The following EDARADD variants were observed in gnomAD, a reference collection of about 807,000 sequenced individuals.
EDARADD encodes ectodysplasin-A receptor-associated adapter protein.
EDARADD carries 20 observed loss-of-function variants against 25.6 expected under a neutral mutation model. The ratio of observed to expected loss-of-function variants is 0.78; its 90% CI spans 0.55 to 1.14. The LOEUF (loss-of-function observed/expected upper bound fraction) is 1.14. Among genes scored for constraint, EDARADD ranks in the 50% most tolerant of loss-of-function variants. The pLI is 0.00. For missense variants in EDARADD, 225 were observed against 270.1 expected (o/e 0.83, Z 1.17); for synonymous variants, 86 against 94.4 (o/e 0.91, Z 0.52).
At chr1:236,465,350 A>G (rs547370170) in intron 4 of EDARADD, among the ~76,000 whole-genome samples, 43 of 152,132 alleles carry the variant, frequency 2.8e-4, no homozygotes, top group African/African-American at 9.9e-4. Flanking sequence ...GCCCCAGTGT[A>G]TTCACCTGTC....
At chr1:236,469,818 A>G (rs151061522) in intron 5 of EDARADD, among the ~76,000 whole-genome samples, 480 of 151,100 alleles carry the variant, frequency 3.2e-3, no homozygotes, top group African/African-American at 0.011. Flanking sequence ...CTTGAGACGG[A>G]GTTTCGCACT....
At chr1:236,393,391 C>T (rs867673643), upstream of EDARADD, among the ~76,000 whole-genome samples, 27 of 87,202 alleles carry the variant, frequency 3.1e-4, no homozygotes, top group South Asian at 1.4e-3. Context: ...TTCTTTCTTT[C>T]TTTTTTTTTT....
At chr1:236,425,092 T>TG (rs1367081777) in intron 3 of EDARADD, among the ~76,000 whole-genome samples, 1 of 152,118 alleles carries the variant, frequency 6.6e-6, no homozygotes, top group Non-Finnish European at 1.5e-5. Context: ...TCCCTGGGGA[T>TG]GGGGTCCTCA....
At chr1:236,481,411 G>A (rs974615171) in intron 5 of EDARADD, among the ~76,000 whole-genome samples, 2 of 152,104 alleles carry the variant, frequency 1.3e-5, no homozygotes, top group Admixed American at 1.3e-4. Flanking sequence ...TGGAAAGAAA[G>A]GGAAACTGGC....
intron 5 of EDARADD, among the ~76,000 whole-genome samples, chr1:236,476,436 A>G (rs1659507629): frequency 1.3e-5 from 2 of 152,174 alleles, no homozygotes; most frequent in Non-Finnish European, 2.9e-5. Context: ...CTGTAATCCC[A>G]GCACTTCGGG....
At chr1:236,466,440 A>ACACACACACAC (rs1553270444) in intron 4 of EDARADD, among the ~76,000 whole-genome samples, 8,016 of 124,398 alleles carry the variant, frequency 0.064, 311 homozygotes, top group Non-Finnish European at 0.085. Flanking sequence ...CTCTCTGATA[A>ACACACACACAC]ACACACACAC....
At chr1:236,421,827 A>G (rs985955863) in intron 3 of EDARADD, among the ~76,000 whole-genome samples, 2 of 152,036 alleles carry the variant, frequency 1.3e-5, no homozygotes, top group Admixed American at 1.3e-4. Context: ...CAGCACATAA[A>G]TTGAGTCTCA....
intron 3 of EDARADD, among the ~76,000 whole-genome samples, chr1:236,384,928 AT>A (rs1667334984): frequency 1.3e-5 from 2 of 152,070 alleles, no homozygotes. Context: ...ATGCTTTAAA[AT>A]TTGGATACTC....
chr1:236,403,240 G>A (rs1250293286), intron 1 of EDARADD, among the ~76,000 whole-genome samples: 1 of 152,044 alleles, frequency 6.6e-6, no homozygotes, highest in African/African-American at 2.4e-5. Flanking sequence ...ACGGGCGTGA[G>A]CCACCTGTTC....
intron 3 of EDARADD, among the ~76,000 whole-genome samples, chr1:236,380,158 A>C (rs1667281545): frequency 6.6e-6 from 1 of 151,640 alleles, no homozygotes; most frequent in Admixed American, 6.6e-5. Flanking sequence ...ACCTGATTGG[A>C]TAAAACTTAA....
At chr1:236,349,747 A>T (rs1249852511) in intron 2 of EDARADD, among the ~76,000 whole-genome samples, 4 of 151,664 alleles carry the variant, frequency 2.6e-5, no homozygotes, top group South Asian at 4.2e-4. Context: ...CGGACCTCAA[A>T]GGGTGTCTGG....
At chr1:236,437,586 G>A (rs1335946290) in intron 4 of EDARADD, among the ~76,000 whole-genome samples, 2 of 152,086 alleles carry the variant, frequency 1.3e-5, no homozygotes, top group Non-Finnish European at 2.9e-5. Context: ...GCAGGGAGAA[G>A]GAAGAGGGGA....
At chr1:236,456,954 C>A (rs1472280256) in intron 4 of EDARADD, among the ~76,000 whole-genome samples, 3 of 152,096 alleles carry the variant, frequency 2.0e-5, no homozygotes, top group Non-Finnish European at 4.4e-5. Context: ...CCAGGACCAC[C>A]TGCATTCTAT....
At chr1:236,350,677 C>T (rs1051431511) in intron 2 of EDARADD, 2 of 135,562 alleles carry the variant, frequency 1.5e-5, no homozygotes, top group Non-Finnish European at 3.2e-5. Flanking sequence ...GCAGATTGGT[C>T]CTTTCAAAGT....
chr1:236,454,458 T>C (rs67500985), intron 4 of EDARADD, among the ~76,000 whole-genome samples: 60,885 of 151,948 alleles, frequency 0.4, 12,273 homozygotes, highest in South Asian at 0.43. Context: ...CCCCCATGCA[T>C]ACTCTGTCAT....
chr1:236,432,894 T>G (rs1658142769), intron 4 of EDARADD, among the ~76,000 whole-genome samples: 1 of 149,216 alleles, frequency 6.7e-6, no homozygotes, highest in South Asian at 2.1e-4. Flanking sequence ...ACTGTGCTGC[T>G]GCACTCCAGC....
chr1:236,478,378 T>TGTGTGTGC (rs1168693435), intron 5 of EDARADD, among the ~76,000 whole-genome samples: 1 of 149,524 alleles, frequency 6.7e-6, no homozygotes. Flanking sequence ...TGTGTGTGTG[T>TGTGTGTGC]GTGTGTGTAT....
At chr1:236,447,339 C>A (rs903527422) in intron 4 of EDARADD, among the ~76,000 whole-genome samples, 1 of 151,744 alleles carries the variant, frequency 6.6e-6, no homozygotes, top group Non-Finnish European at 1.5e-5. Context: ...CTCACTGCAA[C>A]CTCCTCCTCC....
chr1:236,377,761 G>A (rs1477864170), intron 3 of EDARADD, among the ~76,000 whole-genome samples: 3 of 151,908 alleles, frequency 2.0e-5, no homozygotes, highest in Non-Finnish European at 4.4e-5. Context: ...GGGAGGCTGA[G>A]GCAGGAGAAT....
Sources: allele counts gnomAD v4.1 joint callset (sites outside exome capture counted in the v4.1 genomes callset), GRCh38; gene constraint gnomAD v4.1.1; transcripts MANE v1.5; gene names NCBI Gene and HGNC (gene_info 2026-07-23, HGNC 2026-07-21).